KIF6: variants seen among roughly 807,000 people sequenced by gnomAD.
KIF6 encodes kinesin family member 6.
In KIF6, 106 loss-of-function variants were observed where a neutral mutation model predicts 112.7. The observed-to-expected ratio is 0.94, with a 90% confidence interval of 0.80 to 1.11. KIF6 has a LOEUF of 1.11. KIF6 is among the 50% of genes least tolerant of loss of function. The probability of loss-of-function intolerance (pLI) is 0.00; values close to 1 mark genes in which losing one functional copy is unlikely to be tolerated. For synonymous variants in KIF6, 339 were observed against 339.9 expected (o/e 1.00, Z 0.03); for missense variants, 929 against 964.0 (o/e 0.96, Z 0.48).
At chr6:39,495,380 G>A (rs1775725482) in intron 13 of KIF6, among the ~76,000 whole-genome samples, 1 of 152,166 alleles carries the variant, frequency 6.6e-6, no homozygotes, top group South Asian at 2.1e-4. Flanking sequence ...CAGCAGGATT[G>A]GGCTCAGTGG....
At chr6:39,543,835 G>C (rs1404162240) in intron 12 of KIF6, among the ~76,000 whole-genome samples, 2 of 152,134 alleles carry the variant, frequency 1.3e-5, no homozygotes, top group Non-Finnish European at 2.9e-5. Context: ...GCAACTGGAG[G>C]CAGCACATGC....
chr6:39,536,729 T>C (rs1404619376), intron 13 of KIF6, among the ~76,000 whole-genome samples: 1 of 151,492 alleles, frequency 6.6e-6, no homozygotes, highest in African/African-American at 2.4e-5. Context: ...GCCAGCATCA[T>C]CCTGATACCA....
At chr6:39,398,267 T>G (rs1581763939) in intron 15 of KIF6, among the ~76,000 whole-genome samples, 1 of 152,312 alleles carries the variant, frequency 6.6e-6, no homozygotes, top group Non-Finnish European at 1.5e-5. Context: ...TAGGGACAGG[T>G]GGATAACTGT....
chr6:39,589,614 C>T (rs80292795), intron 7 of KIF6, among the ~76,000 whole-genome samples: 14,115 of 152,170 alleles, frequency 0.093, 688 homozygotes, highest in Middle Eastern at 0.14. Flanking sequence ...GCAGACAGCC[C>T]TATGTGGGGT....
chr6:39,603,899 A>C (rs2150701903), intron 6 of KIF6, among the ~76,000 whole-genome samples: 1 of 152,164 alleles, frequency 6.6e-6, no homozygotes, highest in Admixed American at 6.5e-5. Context: ...TTTTTCAATC[A>C]CTTTGTTATC....
At position 39,583,674 on chromosome 6, in the gene KIF6, C is replaced by CTTTTTTTT. The variant is rs564229262; in HGVS notation, c.1077+1216_1077+1223dup. Among the ~76,000 whole-genome samples, 41 of 71,708 alleles carry CTTTTTTTT rather than the reference C, an allele frequency of 5.7e-4. 14 individuals are homozygous for CTTTTTTTT. Among genetic ancestry groups the CTTTTTTTT allele is most frequent in the East Asian group, 3.2e-3 (7 of 2,220 alleles). The allele number at this position is 71,708 out of a possible 152,430, so 47.0% of individuals were successfully genotyped here. ...AAACACTGTTGGTAGGATTTCACTT[C>CTTTTTTTT]TTTTTTTTTTTTTTTTTTTTTTTTT... On this transcript the variant is annotated intron_variant, in intron 9 of 22. Coordinates refer to ENST00000287152, the MANE Select transcript of KIF6 (RefSeq NM_145027.6).
At chr6:39,607,121 G>T (rs1582257245) in intron 6 of KIF6, among the ~76,000 whole-genome samples, 1 of 152,100 alleles carries the variant, frequency 6.6e-6, no homozygotes, top group Non-Finnish European at 1.5e-5. Context: ...ACTTTCATAT[G>T]CTATGTTTAA....
chr6:39,398,636 C>A (rs1385412723), intron 15 of KIF6, among the ~76,000 whole-genome samples: 1 of 152,064 alleles, frequency 6.6e-6, no homozygotes, highest in Non-Finnish European at 1.5e-5. Flanking sequence ...ATGAAATAAC[C>A]CAAATGCAGG....
At chr6:39,346,057 T>TCG in intron 20 of KIF6, among the ~76,000 whole-genome samples, 2 of 14,326 alleles carry the variant, frequency 1.4e-4, no homozygotes, top group East Asian at 3.5e-3. Context: ...GTGCTCTCTC[T>TCG]CTCTCTCTCT....
intron 3 of KIF6, among the ~76,000 whole-genome samples, chr6:39,652,212 C>A (rs1785508327): frequency 6.6e-6 from 1 of 152,080 alleles, no homozygotes; most frequent in Admixed American, 6.5e-5. Flanking sequence ...CTGCAATGAA[C>A]AATACAGTCT....
At chr6:39,609,627 G>T (rs1393768411) in intron 6 of KIF6, among the ~76,000 whole-genome samples, 1 of 152,138 alleles carries the variant, frequency 6.6e-6, no homozygotes, top group Non-Finnish European at 1.5e-5. Context: ...AATGGCCAAC[G>T]AAGATATAAA....
chr6:39,346,157 C>A (rs1763786741), intron 20 of KIF6, among the ~76,000 whole-genome samples: 1 of 139,976 alleles, frequency 7.1e-6, no homozygotes, highest in African/African-American at 2.6e-5. Flanking sequence ...CTCTCTCTCT[C>A]TCTCTTTCTC....
At chr6:39,443,806 C>T (rs1232545687) in intron 13 of KIF6, among the ~76,000 whole-genome samples, 1 of 152,076 alleles carries the variant, frequency 6.6e-6, no homozygotes, top group African/African-American at 2.4e-5. Flanking sequence ...GCAAAAAATA[C>T]CCCTTCCCTG....
intron 14 of KIF6, among the ~76,000 whole-genome samples, chr6:39,427,503 G>T (rs993523228): frequency 6.6e-6 from 1 of 152,082 alleles, no homozygotes; most frequent in Non-Finnish European, 1.5e-5. Context: ...TAAGAAAGGG[G>T]TAGGTTCTGG....
At chr6:39,444,936 AG>A (rs1772209459) in intron 13 of KIF6, among the ~76,000 whole-genome samples, 1 of 152,158 alleles carries the variant, frequency 6.6e-6, no homozygotes, top group Non-Finnish European at 1.5e-5. Context: ...ACAGGAAACT[AG>A]GGAAGGCACC....
At chr6:39,364,425 T>G (rs1227298976) in intron 16 of KIF6, among the ~76,000 whole-genome samples, 2 of 152,144 alleles carry the variant, frequency 1.3e-5, no homozygotes, top group Non-Finnish European at 2.9e-5. Context: ...AGCCCCCTTT[T>G]TTTTCTTAGA....
At chr6:39,662,911 C>CTT (rs1360824121) in intron 3 of KIF6, among the ~76,000 whole-genome samples, 48 of 145,420 alleles carry the variant, frequency 3.3e-4, no homozygotes, top group African/African-American at 1.2e-3. Context: ...TTCTCTCTCT[C>CTT]TTTTTTTTTT....
At chr6:39,678,842 G>A (rs558652951) in intron 3 of KIF6, among the ~76,000 whole-genome samples, 6 of 152,142 alleles carry the variant, frequency 3.9e-5, no homozygotes, top group African/African-American at 1.4e-4. Flanking sequence ...ATAACATTTT[G>A]GAGTCTTTAC....
chr6:39,515,435 G>A (rs991776327), intron 13 of KIF6, among the ~76,000 whole-genome samples: 3 of 152,148 alleles, frequency 2.0e-5, no homozygotes, highest in African/African-American at 7.2e-5. Flanking sequence ...TCATCTTTGC[G>A]TGCTGTTGTG....
Sources: allele counts gnomAD v4.1 joint callset (sites outside exome capture counted in the v4.1 genomes callset), GRCh38; gene constraint gnomAD v4.1.1; transcripts MANE v1.5; gene names NCBI Gene and HGNC (gene_info 2026-07-23, HGNC 2026-07-21).